Variants in GRIA1 observed in about 807,000 individuals in gnomAD.
The protein encoded by GRIA1 is glutamate receptor 1.
GRIA1 carries 31 observed loss-of-function variants against 99.2 expected under a neutral mutation model. The ratio of observed to expected loss-of-function variants is 0.31; its 90% confidence interval spans 0.23 to 0.42. The LOEUF is 0.42. Among genes scored for constraint, GRIA1 ranks in the 10% least tolerant of loss-of-function variants. The pLI, the probability that GRIA1 is intolerant of heterozygous loss-of-function variation, is 1.00. For synonymous variants in GRIA1, 438 were observed against 432.4 expected (o/e 1.01, Z -0.16); for missense variants, 782 against 1,157.5 (o/e 0.68, Z 4.71).
In GRIA1 at chr5:153,506,316, G is replaced by GGTGTGTGTGTGTGTGT. The variant is rs61220170; in HGVS notation, c.220+12280_220+12295dup. On this transcript the variant is annotated intron_variant, in intron 2 of 15. Transcript: ENST00000285900. ...TGTTGCTTATTAGGATGGCAAGAAG[G>GGTGTGTGTGTGTGTGT]GTGTGTGTGTGTGTGTGTGTGTGTG... Among the ~76,000 whole-genome samples the GGTGTGTGTGTGTGTGT allele has an allele frequency of 7.0e-3, 988 of 140,394 alleles. 17 individuals are homozygous for GGTGTGTGTGTGTGTGT. The highest frequency in any genetic ancestry group is 0.025 in the African/African-American group (912 of 37,136). 92.1% of individuals were successfully genotyped at this position (140,394 alleles called of 152,430 possible).
chr5:153,610,782 A>G (rs1027164955), intron 2 of GRIA1, among the ~76,000 whole-genome samples: 2 of 152,250 alleles, frequency 1.3e-5, no homozygotes, highest in Admixed American at 1.3e-4. Flanking sequence ...TCATGCATAT[A>G]AAGTATCTAG....
intron 13 of GRIA1, among the ~76,000 whole-genome samples, chr5:153,776,648 A>T (rs2149629063): frequency 1.3e-5 from 2 of 152,262 alleles, no homozygotes; most frequent in South Asian, 4.1e-4. Flanking sequence ...TGGCATTCCC[A>T]TTGAGTATAT....
intron 14 of GRIA1, among the ~76,000 whole-genome samples, chr5:153,801,740 G>A (rs1766040579): frequency 6.6e-6 from 1 of 152,056 alleles, no homozygotes; most frequent in Non-Finnish European, 1.5e-5. Flanking sequence ...AAGCCCCCTA[G>A]TTTTTCTTCC....
chr5:153,734,365 A>T (rs765310174), intron 11 of GRIA1, among the ~76,000 whole-genome samples: 2 of 152,200 alleles, frequency 1.3e-5, no homozygotes, highest in South Asian at 2.1e-4. Context: ...TAATTTTGGA[A>T]CTACTGAATA....
intron 2 of GRIA1, among the ~76,000 whole-genome samples, chr5:153,619,952 T>A (rs1177133509): frequency 6.6e-6 from 1 of 152,168 alleles, no homozygotes; most frequent in Non-Finnish European, 1.5e-5. Flanking sequence ...TAGATAAATA[T>A]AAGGAAGTTA....
At chr5:153,704,080 G>A (rs1007723436) in intron 10 of GRIA1, among the ~76,000 whole-genome samples, 2 of 152,260 alleles carry the variant, frequency 1.3e-5, no homozygotes, top group Non-Finnish European at 2.9e-5. Flanking sequence ...TTAATGGAAA[G>A]TTTCTTTCTA....
At chr5:153,723,959 C>T (rs554349751) in intron 11 of GRIA1, among the ~76,000 whole-genome samples, 3 of 152,346 alleles carry the variant, frequency 2.0e-5, no homozygotes, top group Non-Finnish European at 2.9e-5. Context: ...AGTCCCTAAC[C>T]CCTGACCCCC....
At chr5:153,550,316 A>G (rs1368719637) in intron 2 of GRIA1, among the ~76,000 whole-genome samples, 1 of 152,118 alleles carries the variant, frequency 6.6e-6, no homozygotes, top group Non-Finnish European at 1.5e-5. Context: ...GAGCTGTGTC[A>G]TGAAGGCTCT....
intron 14 of GRIA1, among the ~76,000 whole-genome samples, chr5:153,798,273 C>T (rs1014053466): frequency 9.2e-5 from 14 of 152,182 alleles, no homozygotes; most frequent in African/African-American, 3.1e-4. Flanking sequence ...AGCCTTCACT[C>T]CCAGGAAGTA....
intron 15 of GRIA1, among the ~76,000 whole-genome samples, chr5:153,804,888 A>G (rs1766324510): frequency 6.6e-6 from 1 of 152,032 alleles, no homozygotes; most frequent in African/African-American, 2.4e-5. Flanking sequence ...AGTAGCTGGG[A>G]TTAGAGGCGT....
chr5:153,796,234 T>G (rs1005964183), intron 14 of GRIA1, among the ~76,000 whole-genome samples: 1 of 152,062 alleles, frequency 6.6e-6, no homozygotes, highest in Admixed American at 6.6e-5. Context: ...GCTTTAGAGT[T>G]GAAAGAGAGC....
intron 2 of GRIA1, among the ~76,000 whole-genome samples, chr5:153,604,092 A>C (rs1765241341): frequency 6.6e-6 from 1 of 152,188 alleles, no homozygotes; most frequent in Admixed American, 6.5e-5. Context: ...CAGCAATAAC[A>C]GAAACAAGTT....
rs535115463 is a variant in GRIA1, at chr5:153,544,185, G to T, written c.220+50120G>T. Among the ~76,000 whole-genome samples the T allele has an allele frequency of 5.6e-4, 85 of 152,320 alleles. 1 individual carries two copies. Among genetic ancestry groups the T allele is most frequent in the African/African-American group, 2.0e-3 (85 of 41,574 alleles). ...AATGGGATTATGCAGGAACCCCAAG[G>T]CCTGCTGCCAGTGACTATGCAGTCA... On this transcript the variant is annotated intron_variant, in intron 2 of 15. Coordinates refer to ENST00000285900, the MANE Select transcript of GRIA1 (RefSeq NM_000827.4).
intron 5 of GRIA1, among the ~76,000 whole-genome samples, chr5:153,668,168 A>G (rs552463674): frequency 4.6e-5 from 7 of 152,174 alleles, no homozygotes; most frequent in East Asian, 1.9e-4. Context: ...GTGGATATAG[A>G]GAGGAGACAG....
intron 2 of GRIA1, among the ~76,000 whole-genome samples, chr5:153,536,464 G>A (rs1175911183): frequency 6.6e-6 from 1 of 152,090 alleles, no homozygotes; most frequent in Non-Finnish European, 1.5e-5. Context: ...GGGGGAAAGG[G>A]CCTTATTGTG....
intron 12 of GRIA1, among the ~76,000 whole-genome samples, chr5:153,768,700 A>G (rs1763680515): frequency 6.6e-6 from 1 of 152,182 alleles, no homozygotes; most frequent in African/African-American, 2.4e-5. Context: ...AATAAACCTG[A>G]TACTTGTATA....
intron 2 of GRIA1, among the ~76,000 whole-genome samples, chr5:153,574,994 C>T (rs1325660906): frequency 6.6e-6 from 1 of 152,088 alleles, no homozygotes; most frequent in African/African-American, 2.4e-5. Context: ...TTGTGCTGTG[C>T]TCAAATGCCT....
chr5:153,515,250 T>TA (rs1290738464), intron 2 of GRIA1, among the ~76,000 whole-genome samples: 8 of 152,042 alleles, frequency 5.3e-5, no homozygotes, highest in African/African-American at 1.4e-4. Context: ...GATGCTAGGA[T>TA]AAAAAAATGT....
At chr5:153,509,468 T>C (rs1755846868) in intron 2 of GRIA1, among the ~76,000 whole-genome samples, 1 of 152,192 alleles carries the variant, frequency 6.6e-6, no homozygotes, top group Non-Finnish European at 1.5e-5. Flanking sequence ...GCTGCTTTTA[T>C]TGGCCCATTT....
Sources: allele counts gnomAD v4.1 joint callset (sites outside exome capture counted in the v4.1 genomes callset), GRCh38; gene constraint gnomAD v4.1.1; transcripts MANE v1.5; gene names NCBI Gene and HGNC (gene_info 2026-07-23, HGNC 2026-07-21).